The following ODAD2 variants were observed in gnomAD, a reference collection of about 807,000 sequenced individuals.
The protein encoded by ODAD2 is outer dynein arm docking complex subunit 2, also known as outer dynein arm-docking complex subunit 2.
A neutral mutation model predicts 106.8 loss-of-function variants in ODAD2; 89 were observed. That is an observed-to-expected ratio of 0.83 (90% CI 0.70 to 0.99). The LOEUF (loss-of-function observed/expected upper bound fraction) is 0.99, where lower values mean the gene tolerates loss of function less well. ODAD2 is among the 50% of genes least tolerant of loss of function. The pLI, the probability that ODAD2 is intolerant of heterozygous loss-of-function variation, is 0.00. For missense variants in ODAD2, 1,168 were observed against 1,238.5 expected, an observed-to-expected ratio of 0.94 and a Z score of 0.85; for synonymous variants, 404 against 436.2, an observed-to-expected ratio of 0.93 and a Z score of 0.92.
intron 17 of ODAD2, among the ~76,000 whole-genome samples, chr10:27,874,689 C>T (rs917807586): frequency 3.9e-5 from 6 of 152,148 alleles, no homozygotes; most frequent in African/African-American, 1.4e-4. Flanking sequence ...GGCCTCCACT[C>T]CCTTTTGTCT....
intron 19 of ODAD2, among the ~76,000 whole-genome samples, chr10:27,850,034 C>T (rs78772332): frequency 6.6e-5 from 10 of 152,284 alleles, no homozygotes; most frequent in African/African-American, 2.4e-4. Flanking sequence ...CAAATGGACA[C>T]AGCACTAAAG....
At chr10:27,923,994 GAAAGAAAGAA>G (rs1844998557) in intron 16 of ODAD2, among the ~76,000 whole-genome samples, 2 of 128,104 alleles carry the variant, frequency 1.6e-5, no homozygotes, top group African/African-American at 5.8e-5. Flanking sequence ...AAGAAAGAAA[GAAAGAAAGAA>G]AGAAAGAAAG....
At chr10:27,847,564 C>A (rs1310248832) in intron 19 of ODAD2, among the ~76,000 whole-genome samples, 1 of 151,842 alleles carries the variant, frequency 6.6e-6, no homozygotes, top group African/African-American at 2.4e-5. Flanking sequence ...GTTGGAAGTT[C>A]TGGCCAGGGC....
intron 16 of ODAD2, among the ~76,000 whole-genome samples, chr10:27,930,424 G>T (rs1236468967): frequency 6.6e-6 from 1 of 151,934 alleles, no homozygotes; most frequent in Non-Finnish European, 1.5e-5. Flanking sequence ...TGAGGGAGGA[G>T]GATTGCTTGA....
chr10:27,945,845 C>T (rs1469412227), intron 10 of ODAD2, among the ~76,000 whole-genome samples: 1 of 149,660 alleles, frequency 6.7e-6, no homozygotes, highest in Non-Finnish European at 1.5e-5. Flanking sequence ...ACTAAAGTAG[C>T]GCATCACACA....
chr10:27,940,414 C>T (rs952467660), intron 13 of ODAD2, 149 bp downstream of exon 13: 22 of 806,644 alleles, frequency 2.7e-5, no homozygotes, highest in East Asian at 5.3e-5. Flanking sequence ...ATTTAATTAA[C>T]GTCCTATCAG....
At chr10:27,913,131 C>T (rs1414488970) in intron 16 of ODAD2, among the ~76,000 whole-genome samples, 1 of 151,904 alleles carries the variant, frequency 6.6e-6, no homozygotes, top group Admixed American at 6.6e-5. Flanking sequence ...TATGTTTCTC[C>T]TTTTTTCAAC....
chr10:27,978,650 G>A (rs1210479406), intron 7 of ODAD2, among the ~76,000 whole-genome samples: 1 of 151,868 alleles, frequency 6.6e-6, no homozygotes, highest in African/African-American at 2.4e-5. Context: ...AAATTAGCCG[G>A]GTGTGGTGGT....
At chr10:27,948,154 T>A (rs1847071425) in intron 10 of ODAD2, among the ~76,000 whole-genome samples, 1 of 152,226 alleles carries the variant, frequency 6.6e-6, no homozygotes, top group African/African-American at 2.4e-5. Flanking sequence ...AATTTACAGT[T>A]ATCATCAAGA....
intron 19 of ODAD2, among the ~76,000 whole-genome samples, chr10:27,844,237 C>T (rs530426690): frequency 2.0e-5 from 3 of 152,248 alleles, no homozygotes; most frequent in Non-Finnish European, 2.9e-5. Flanking sequence ...AGAATATATA[C>T]CAGCTGCAAG....
chr10:27,859,537 G>A (rs545195245), intron 19 of ODAD2, among the ~76,000 whole-genome samples: 66 of 152,190 alleles, frequency 4.3e-4, no homozygotes, highest in African/African-American at 1.5e-3. Flanking sequence ...ACTAACTGGG[G>A]TTTTTAACTC....
intron 7 of ODAD2, among the ~76,000 whole-genome samples, chr10:27,979,382 T>C (rs1427276188): frequency 2.0e-5 from 3 of 151,444 alleles, no homozygotes; most frequent in African/African-American, 7.3e-5. Context: ...GAAGTAAAAC[T>C]ATTTGTATGC....
intron 3 of ODAD2, 51 bp from the exon 4 acceptor site, chr10:27,985,262 T>C: frequency 7.3e-7 from 1 of 1,361,234 alleles, no homozygotes; most frequent in Non-Finnish European, 9.8e-7. Flanking sequence ...ACTTGTCTTC[T>C]AGTACAACAA....
chr10:27,858,439 T>C (rs1488103850), intron 19 of ODAD2, among the ~76,000 whole-genome samples: 1 of 152,082 alleles, frequency 6.6e-6, no homozygotes, highest in Non-Finnish European at 1.5e-5. Flanking sequence ...TTTCCTCCAG[T>C]AGGAGTAACA....
At chr10:27,886,095 G>T (rs1242352594) in intron 17 of ODAD2, among the ~76,000 whole-genome samples, 11 of 150,036 alleles carry the variant, frequency 7.3e-5, no homozygotes, top group Non-Finnish European at 1.3e-4. Context: ...GTGAGAAAAG[G>T]ACAGGAAAAT....
chr10:27,879,980 T>A (rs1841592587), intron 17 of ODAD2, among the ~76,000 whole-genome samples: 1 of 152,186 alleles, frequency 6.6e-6, no homozygotes. Context: ...AATGCAGAAT[T>A]CCAGATGTGG....
At chr10:27,843,922 T>C (rs1838506603) in intron 19 of ODAD2, among the ~76,000 whole-genome samples, 1 of 152,126 alleles carries the variant, frequency 6.6e-6, no homozygotes, top group Non-Finnish European at 1.5e-5. Flanking sequence ...TGTTTAATTC[T>C]GCCCAACATG....
At chr10:27,891,894 G>A (rs193242966) in intron 17 of ODAD2, among the ~76,000 whole-genome samples, 34 of 152,042 alleles carry the variant, frequency 2.2e-4, no homozygotes, top group Non-Finnish European at 2.9e-4. Flanking sequence ...TAATGTTCAC[G>A]GAGCACAAAT....
intron 9 of ODAD2, among the ~76,000 whole-genome samples, chr10:27,963,443 C>T (rs1372766508): frequency 6.6e-6 from 1 of 152,106 alleles, no homozygotes; most frequent in Non-Finnish European, 1.5e-5. Flanking sequence ...TTTGAAGGAT[C>T]CAAAATTACT....
Sources: gnomAD v4.1 joint callset for allele counts (sites outside exome capture counted in the v4.1 genomes callset) on GRCh38, gnomAD v4.1.1 for gene constraint, MANE v1.5 for transcripts, NCBI Gene and HGNC (gene_info 2026-07-23, HGNC 2026-07-21) for gene names.